GIMAP6: variants seen among roughly 807,000 people sequenced by gnomAD.
The protein encoded by GIMAP6 is GTPase, IMAP family member 6.
A neutral mutation model predicts 9.3 loss-of-function variants in GIMAP6; 6 were observed. That is an observed-to-expected ratio of 0.65 (90% CI 0.35 to 1.27). The LOEUF (loss-of-function observed/expected upper bound fraction) is 1.27, where lower values mean the gene tolerates loss of function less well. Ranked by LOEUF, GIMAP6 falls within the 50% of genes most tolerant of loss-of-function variation. The probability of loss-of-function intolerance (pLI) is 0.03; values close to 1 mark genes in which losing one functional copy is unlikely to be tolerated. For synonymous variants in GIMAP6, 156 were observed against 151.1 expected, an observed-to-expected ratio of 1.03 and a Z score of -0.24; for missense variants, 333 against 359.5, an observed-to-expected ratio of 0.93 and a Z score of 0.60.
At chr7:150,631,705 CCA>C (rs1249312002) in intron 1 of GIMAP6, among the ~76,000 whole-genome samples, 1 of 152,196 alleles carries the variant, frequency 6.6e-6, no homozygotes, top group Non-Finnish European at 1.5e-5. Flanking sequence ...CCCATGTTGG[CCA>C]CAGTGTGCAT....
At chr7:150,629,063 G>T (rs759180324) in intron 2 of GIMAP6, among the ~76,000 whole-genome samples, 1 of 152,142 alleles carries the variant, frequency 6.6e-6, no homozygotes, top group Non-Finnish European at 1.5e-5. Flanking sequence ...GTGACATTGG[G>T]CCCCCTCCAG....
chr7:150,627,617 T>A lies in GIMAP6; in HGVS notation c.*102A>T, dbSNP rs761482554. The A allele has an allele frequency of 6.9e-7, 1 of 1,444,946 alleles. No individual in the cohort carries two copies. Among genetic ancestry groups the A allele is most frequent in the Admixed American group, 1.7e-5 (1 of 59,566 alleles). 89.5% of individuals were successfully genotyped at this position (1,444,946 alleles called of 1,614,324 possible). A position where few individuals can be genotyped will look rare whatever the true frequency, so the allele number is the denominator to read the frequency against. ...TCTTCCTACACCAGACGTCATGACC[T>A]GGAGACTGGGAAGCACTCCATGGGA... On this transcript the variant is annotated 3_prime_UTR_variant, in exon 3 of 3. Transcript: ENST00000328902.
chr7:150,629,143 C>T lies in GIMAP6; in HGVS notation c.86-631G>A, dbSNP rs561662591. 4.7e-4 allele frequency among the ~76,000 whole-genome samples: 71 copies of T among 152,300 alleles called. 1 individual carries two copies. The highest frequency in any genetic ancestry group is 1.7e-3 in the African/African-American group (71 of 41,554). On this transcript the variant is annotated intron_variant, in intron 2 of 2. Transcript: ENST00000328902. ...TCTGGGCAGTAGATCTTCATCCCCA[C>T]CCACCTAGCCCAGTGCAGAGCCAGA... is the stretch of plus-strand genomic sequence containing the variant.
chr7:150,631,620 C>T (rs1178749948), intron 1 of GIMAP6, among the ~76,000 whole-genome samples: 3 of 152,204 alleles, frequency 2.0e-5, no homozygotes, highest in Admixed American at 6.5e-5. Flanking sequence ...ACTGTGCCTT[C>T]GCAGGGTTCG....
At position 150,630,139 on chromosome 7, in the gene GIMAP6, C is replaced by G; in HGVS notation, c.4G>C (p.Glu2Gln). The G allele has an allele frequency of 7.1e-7, 1 of 1,403,342 alleles. No individual in the cohort carries two copies. Among genetic ancestry groups the G allele is most frequent in the South Asian group, 1.4e-5 (1 of 73,656 alleles). The allele number at this position is 1,403,342 out of a possible 1,614,324, so 86.9% of individuals were successfully genotyped here. A position where few individuals can be genotyped will look rare whatever the true frequency, so the allele number is the denominator to read the frequency against. Residue 2 changes from glutamate (E) to glutamine (Q), a missense_variant, in exon 2 of 3, where the codon GAG (glutamate) becomes CAG (glutamine). Coordinates refer to ENST00000328902, the MANE Select transcript of GIMAP6 (RefSeq NM_024711.6). Reference protein sequence around the residue: MEEEEYEQIPQE... With the variant: MQEEEYEQIPQE... ...GGAATTTGTTCATATTCTTCTTCCT[C>G]CATCTACAAAAAAAAAAAAAAAAAA...
At chr7:150,629,447 G>T (rs1431764273) in intron 2 of GIMAP6, among the ~76,000 whole-genome samples, 2 of 152,088 alleles carry the variant, frequency 1.3e-5, no homozygotes, top group Non-Finnish European at 2.9e-5. Flanking sequence ...CATTTCTTCT[G>T]GCCAGGAAAG....
In GIMAP6 at chr7:150,628,251, A is replaced by G; in HGVS notation, c.347T>C (p.Ile116Thr). The G allele has an allele frequency of 6.2e-7, 1 of 1,614,140 alleles. No homozygotes were observed. ...GTGGGGCCCTGGGGCGGATAAGACGATGGCTTGGCAGATAGCGTCTGCCAC... is the reference window on the plus strand; with the variant it reads ...GTGGGGCCCTGGGGCGGATAAGACGGTGGCTTGGCAGATAGCGTCTGCCAC... ...PEVADAICQA[I>T]VLSAPGPHAV... The change falls in exon 3 of 3, where the codon ATC (isoleucine) becomes ACC (threonine). Residue 116 changes from isoleucine to threonine, a missense_variant. Transcript: ENST00000328902.
intron 2 of GIMAP6, among the ~76,000 whole-genome samples, chr7:150,629,391 T>C (rs1043044247): frequency 6.6e-6 from 1 of 152,198 alleles, no homozygotes; most frequent in Admixed American, 6.5e-5. Context: ...TTTAAGTTCA[T>C]AAAGTAAAAG....
chr7:150,628,704 C>T (rs1293883876), intron 2 of GIMAP6, 192 bp from the exon 3 acceptor site: 1 of 1,519,666 alleles, frequency 6.6e-7, no homozygotes, highest in African/African-American at 1.4e-5. Flanking sequence ...AACGTTCTCT[C>T]CCAGTGCAAG....
rs1335490216 is a variant in GIMAP6 at position 150,632,361 on chromosome 7, C to T, written c.-193G>A. On this transcript the variant is annotated 5_prime_UTR_variant, in exon 1 of 3. Coordinates refer to ENST00000328902, the MANE Select transcript of GIMAP6 (RefSeq NM_024711.6). ...GACCTGCCCTTGAAAGAGCAGTGTC[C>T]GCTGGAGATGGAGGAACAGGAAGTG... 1 of 152,138 alleles carries T rather than the reference C, an allele frequency of 6.6e-6. No individual in the cohort carries two copies. The allele number at this position is 152,138 out of a possible 1,614,324, so 9.4% of individuals were successfully genotyped here. A position where few individuals can be genotyped will look rare whatever the true frequency, so the allele number is the denominator to read the frequency against.
At chr7:150,628,878 C>G in intron 2 of GIMAP6, 1 of 630,008 alleles carries the variant, frequency 1.6e-6, no homozygotes, top group South Asian at 2.7e-5. Flanking sequence ...CAAGTAATAG[C>G]TGGTTTCCCA....
At position 150,626,717 on chromosome 7, in the gene GIMAP6, C is replaced by T. The variant is rs3735085; in HGVS notation, c.*1002G>A. ...GCATTGGACCCCCACAAATACTTTG[C>T]TAGGGAACCCGTTTGCACACGCAGA... On this transcript the variant is annotated 3_prime_UTR_variant, in exon 3 of 3. Coordinates refer to ENST00000328902, the MANE Select transcript of GIMAP6 (RefSeq NM_024711.6). 0.3 allele frequency: 45,869 copies of T among 152,068 alleles called. 7,009 individuals carry two copies. Among genetic ancestry groups the T allele is most frequent in the East Asian group, 0.32 (1,635 of 5,152 alleles). 9.4% of individuals were successfully genotyped at this position (152,068 alleles called of 1,614,324 possible).
At chr7:150,628,747 C>A in intron 2 of GIMAP6, 1 of 1,451,016 alleles carries the variant, frequency 6.9e-7, no homozygotes, top group South Asian at 1.4e-5. Context: ...GAGACTTGGC[C>A]AATAGAACAC....
At position 150,625,715 on chromosome 7, in the gene GIMAP6, G is replaced by A. The variant is rs911854619; in HGVS notation, c.*2004C>T. Reference sequence around the variant, plus strand: ...TAGAATACCAATATGATTTTGGGGGGAAATTACAGAATGATTTTAACTCTC... The same window carrying A: ...TAGAATACCAATATGATTTTGGGGGAAAATTACAGAATGATTTTAACTCTC... On this transcript the variant is annotated 3_prime_UTR_variant, in exon 3 of 3. Coordinates refer to ENST00000328902, the MANE Select transcript of GIMAP6 (RefSeq NM_024711.6). 6.6e-6 allele frequency: 1 copy of A among 151,998 alleles called. No individual in the cohort carries two copies. The highest frequency in any genetic ancestry group is 1.9e-4 in the East Asian group (1 of 5,190). The allele number at this position is 151,998 out of a possible 1,614,324, so 9.4% of individuals were successfully genotyped here. A position where few individuals can be genotyped will look rare whatever the true frequency, so the allele number is the denominator to read the frequency against.
intron 1 of GIMAP6, among the ~76,000 whole-genome samples, 177 bp downstream of exon 1, chr7:150,631,992 A>G (rs917619727): frequency 3.3e-5 from 5 of 151,888 alleles, no homozygotes; most frequent in Admixed American, 2.0e-4. Flanking sequence ...ACAAACACAA[A>G]TATACATACA....
rs140321913 is a variant in GIMAP6, at chr7:150,626,104, T to C, written c.*1615A>G. ...AGAAATGCTGAAGCTTTCTCAGATG[T>C]CTGCTGTGTCTAGGGAAGATGGGGG... On this transcript the variant is annotated 3_prime_UTR_variant, in exon 3 of 3. Coordinates refer to ENST00000328902, the MANE Select transcript of GIMAP6 (RefSeq NM_024711.6). The C allele has an allele frequency of 2.0e-5, 3 of 152,376 alleles. No individual in the cohort carries two copies. Among genetic ancestry groups the C allele is most frequent in the Admixed American group, 6.5e-5 (1 of 15,306 alleles). 9.4% of individuals were successfully genotyped at this position (152,376 alleles called of 1,614,324 possible). A position where few individuals can be genotyped will look rare whatever the true frequency, so the allele number is the denominator to read the frequency against.
intron 1 of GIMAP6, 80 bp from the exon 2 acceptor site, chr7:150,630,222 CTT>C: frequency 8.5e-7 from 1 of 1,180,174 alleles, no homozygotes; most frequent in Non-Finnish European, 1.2e-6. Flanking sequence ...TGCCTTTCGC[CTT>C]TCTCTTGCCA....
At chr7:150,630,213 G>T in intron 1 of GIMAP6, 71 bp from the exon 2 acceptor site, 2 of 1,226,016 alleles carry the variant, frequency 1.6e-6, no homozygotes, top group African/African-American at 1.6e-5. Flanking sequence ...ACAGCCACCT[G>T]CCTTTCGCCT....
At chr7:150,628,860 A>C (rs1033880381) in intron 2 of GIMAP6, 1 of 713,310 alleles carries the variant, frequency 1.4e-6, no homozygotes, top group Non-Finnish European at 2.2e-6. Context: ...GAGCACATAA[A>C]GAAGTGACAA....
Sources: gnomAD v4.1 joint callset for allele counts (sites outside exome capture counted in the v4.1 genomes callset) on GRCh38, gnomAD v4.1.1 for gene constraint, MANE v1.5 for transcripts, NCBI Gene and HGNC (gene_info 2026-07-23, HGNC 2026-07-21) for gene names.